The following MMP16 variants were observed in gnomAD, a reference collection of about 807,000 sequenced individuals.
MMP16 encodes the protein matrix metallopeptidase 16, also known as matrix metalloproteinase-16.
MMP16 carries 12 observed loss-of-function variants against 67.8 expected under a neutral mutation model. The observed-to-expected ratio is 0.18, with a 90% CI of 0.11 to 0.29. The LOEUF (loss-of-function observed/expected upper bound fraction) is 0.29. Ranked by LOEUF, MMP16 falls within the 10% of genes least tolerant of loss-of-function variation. The pLI is 1.00. For synonymous variants in MMP16, 249 were observed against 255.9 expected, an observed-to-expected ratio of 0.97 and a Z score of 0.26; for missense variants, 475 against 765.7, an observed-to-expected ratio of 0.62 and a Z score of 4.48.
intron 1 of MMP16, among the ~76,000 whole-genome samples, chr8:88,275,647 G>A (rs753724203): frequency 2.6e-5 from 4 of 151,672 alleles, no homozygotes; most frequent in African/African-American, 9.7e-5. Flanking sequence ...ACACATAGCA[G>A]TGTTTATCTT....
chr8:88,210,660 G>C (rs544049880), intron 1 of MMP16, among the ~76,000 whole-genome samples: 1 of 152,256 alleles, frequency 6.6e-6, no homozygotes, highest in African/African-American at 2.4e-5. Context: ...ATCTGGGAAA[G>C]CTCTAGGAAA....
At position 88,215,843 on chromosome 8, in the gene MMP16, G is replaced by A. The variant is rs138051451; in HGVS notation, c.133-18537C>T. Among the ~76,000 whole-genome samples, 28 of 152,136 alleles carry A rather than the reference G, an allele frequency of 1.8e-4. No individual in the cohort carries two copies. The East Asian group carries it at 5.0e-3, about 27-fold the overall frequency. ...GCAGCCTTTTTCGTGCTAGGATTCT[G>A]ACTGACATGTATGGCTAATAGACAT... On this transcript the variant is annotated intron_variant, in intron 1 of 9. Coordinates refer to ENST00000286614, the MANE Select transcript of MMP16 (RefSeq NM_005941.5).
chr8:88,197,349 T>C (rs763208440), intron 1 of MMP16, 43 bp from the exon 2 acceptor site: 9 of 1,482,174 alleles, frequency 6.1e-6, no homozygotes, highest in Non-Finnish European at 8.1e-6. Context: ...ATTTTACAAT[T>C]TAACAATAAT....
intron 3 of MMP16, among the ~76,000 whole-genome samples, chr8:88,180,659 A>C (rs1237284188): frequency 1.3e-5 from 2 of 152,122 alleles, no homozygotes; most frequent in East Asian, 3.9e-4. Context: ...CTGCAAAAAA[A>C]AATGCATGAG....
At chr8:88,044,255 G>T (rs768756630) in intron 9 of MMP16, among the ~76,000 whole-genome samples, 2 of 152,148 alleles carry the variant, frequency 1.3e-5, no homozygotes, top group Non-Finnish European at 2.9e-5. Context: ...ACACCAGGCT[G>T]GGCATCATAC....
chr8:88,296,040 C>G (rs542652859), intron 1 of MMP16, among the ~76,000 whole-genome samples: 1 of 151,208 alleles, frequency 6.6e-6, no homozygotes, highest in Non-Finnish European at 1.5e-5. Flanking sequence ...TACTTACTAA[C>G]TGAGACTAGT....
intron 1 of MMP16, among the ~76,000 whole-genome samples, chr8:88,243,223 A>G (rs1026014421): frequency 6.6e-6 from 1 of 152,156 alleles, no homozygotes; most frequent in Non-Finnish European, 1.5e-5. Context: ...ATATATTACC[A>G]AGGTCATATA....
chr8:88,327,045 G>C (rs1405129190), intron 1 of MMP16, 30 bp downstream of exon 1: 2 of 1,612,858 alleles, frequency 1.2e-6, no homozygotes, highest in Admixed American at 1.7e-5. Context: ...CCAGGCAGCG[G>C]GGGGAGGAAG....
At chr8:88,260,113 T>C (rs1481658379) in intron 1 of MMP16, among the ~76,000 whole-genome samples, 2 of 152,100 alleles carry the variant, frequency 1.3e-5, no homozygotes, top group Admixed American at 1.3e-4. Context: ...TGGAAAGAAA[T>C]ATACCAGTAA....
intron 4 of MMP16, among the ~76,000 whole-genome samples, chr8:88,150,844 T>C (rs1808392989): frequency 1.3e-5 from 2 of 148,568 alleles, no homozygotes; most frequent in Admixed American, 1.3e-4. Context: ...AATGACAGGA[T>C]CAAATTCACA....
intron 3 of MMP16, 81 bp downstream of exon 3, chr8:88,186,395 G>A: frequency 6.5e-7 from 1 of 1,543,900 alleles, no homozygotes; most frequent in Non-Finnish European, 8.9e-7. Flanking sequence ...TAGTCAACGT[G>A]CAGAAGATAC....
chr8:88,139,926 A>G (rs1808184046), intron 4 of MMP16, among the ~76,000 whole-genome samples: 1 of 152,036 alleles, frequency 6.6e-6, no homozygotes, highest in African/African-American at 2.4e-5. Flanking sequence ...CTTTTTTTAG[A>G]AAGCTATGTT....
chr8:88,217,088 A>T (rs748595340), intron 1 of MMP16, among the ~76,000 whole-genome samples: 1 of 152,004 alleles, frequency 6.6e-6, no homozygotes, highest in Non-Finnish European at 1.5e-5. Flanking sequence ...TGTTCTTCCA[A>T]TGTTTTTCTG....
rs147759252 is a variant in MMP16, at chr8:88,089,235, G to A, written c.1084-14492C>T. Among the ~76,000 whole-genome samples, 289 of 152,020 alleles carry A rather than the reference G, an allele frequency of 1.9e-3. 9 individuals carry two copies. Among genetic ancestry groups the A allele is most frequent in the Admixed American group, 0.017 (253 of 15,238 alleles). On this transcript the variant is annotated intron_variant, in intron 6 of 9. Transcript: ENST00000286614. ...AGGCAAGGAAGGATGAAGTTGACTG[G>A]GCTTTCATAGAAAAACTTTACGGGT...
At chr8:88,109,760 A>G (rs542613832) in intron 6 of MMP16, among the ~76,000 whole-genome samples, 22 of 151,440 alleles carry the variant, frequency 1.5e-4, no homozygotes, top group Admixed American at 7.9e-4. Context: ...AGCACTTTCT[A>G]TGCAAAAATG....
At chr8:88,171,952 G>A (rs1276273762) in intron 3 of MMP16, among the ~76,000 whole-genome samples, 5 of 151,566 alleles carry the variant, frequency 3.3e-5, no homozygotes, top group South Asian at 2.1e-4. Flanking sequence ...TCAGCCTCCC[G>A]AGTAGCTGAG....
Position 88,153,932 on chromosome 8 carries a change from C to G in MMP16, c.709+13737G>C, listed in dbSNP as rs528473397. 5.4e-4 allele frequency among the ~76,000 whole-genome samples: 81 copies of G among 150,880 alleles called. 2 individuals carry two copies. The South Asian group carries it at 0.015, about 29-fold the overall frequency. ...ACTACCATCAGAGTGAACAGGCAAC[C>G]TACAAAATGGTAGAAAATTTTCACA... On this transcript the variant is annotated intron_variant, in intron 4 of 9. Coordinates refer to ENST00000286614, the MANE Select transcript of MMP16 (RefSeq NM_005941.5).
At chr8:88,192,453 C>T (rs1019077967) in intron 2 of MMP16, among the ~76,000 whole-genome samples, 2 of 152,146 alleles carry the variant, frequency 1.3e-5, no homozygotes, top group Non-Finnish European at 2.9e-5. Context: ...AACTTTTTAC[C>T]TTTCAGAATA....
intron 1 of MMP16, among the ~76,000 whole-genome samples, chr8:88,285,478 T>C (rs951565276): frequency 5.3e-5 from 8 of 152,108 alleles, no homozygotes; most frequent in African/African-American, 1.7e-4. Context: ...CCATTTTATC[T>C]TTAGACAACA....
Sources: gnomAD v4.1 joint callset for allele counts (sites outside exome capture counted in the v4.1 genomes callset) on GRCh38, gnomAD v4.1.1 for gene constraint, MANE v1.5 for transcripts, NCBI Gene and HGNC (gene_info 2026-07-23, HGNC 2026-07-21) for gene names.